The following KCNH8 variants were observed in gnomAD, a reference collection of about 807,000 sequenced individuals.
KCNH8 encodes the protein voltage-gated delayed rectifier potassium channel KCNH8.
KCNH8 carries 70 observed loss-of-function variants against 103.6 expected under a neutral mutation model. The ratio of observed to expected loss-of-function variants is 0.68; its 90% confidence interval spans 0.56 to 0.82. The LOEUF is 0.82. KCNH8 is among the 40% of genes least tolerant of loss of function. KCNH8 has a pLI of 0.00. For synonymous variants in KCNH8, 498 were observed against 489.4 expected, an observed-to-expected ratio of 1.02 and a Z score of -0.23; for missense variants, 1,217 against 1,329.9, an observed-to-expected ratio of 0.92 and a Z score of 1.32.
intron 11 of KCNH8, among the ~76,000 whole-genome samples, chr3:19,504,654 CTAT>C (rs1049561936): frequency 4.6e-5 from 7 of 152,126 alleles, no homozygotes; most frequent in Admixed American, 1.3e-4. Flanking sequence ...GTTAGAATGT[CTAT>C]TATTAAAAAG....
At chr3:19,498,870 G>A (rs975121364) in intron 11 of KCNH8, among the ~76,000 whole-genome samples, 1 of 152,090 alleles carries the variant, frequency 6.6e-6, no homozygotes, top group African/African-American at 2.4e-5. Flanking sequence ...CCTGTTGGGG[G>A]GTGCCTCCCA....
At chr3:19,303,917 G>A (rs1450475691) in intron 3 of KCNH8, among the ~76,000 whole-genome samples, 3 of 152,106 alleles carry the variant, frequency 2.0e-5, no homozygotes, top group Non-Finnish European at 4.4e-5. Flanking sequence ...TTTTGAGGGT[G>A]GATACAGGGG....
chr3:19,239,471 T>C (rs2064107730), intron 1 of KCNH8, among the ~76,000 whole-genome samples: 1 of 152,184 alleles, frequency 6.6e-6, no homozygotes. Context: ...TCCAAATATC[T>C]CATTGGACAG....
intron 1 of KCNH8, among the ~76,000 whole-genome samples, chr3:19,169,617 G>A (rs1309217735): frequency 1.3e-5 from 2 of 152,158 alleles, no homozygotes; most frequent in African/African-American, 4.8e-5. Context: ...ACTGGTTTTT[G>A]TTGACCGCAT....
At chr3:19,279,558 G>T (rs973480672) in intron 2 of KCNH8, among the ~76,000 whole-genome samples, 1 of 117,464 alleles carries the variant, frequency 8.5e-6, no homozygotes, top group African/African-American at 3.5e-5. Context: ...GAAATGGGAT[G>T]CCATAGGGCT....
intron 11 of KCNH8, among the ~76,000 whole-genome samples, chr3:19,474,949 T>A (rs193072333): frequency 6.6e-6 from 1 of 152,290 alleles, no homozygotes; most frequent in East Asian, 1.9e-4. Context: ...AATAGGATTC[T>A]ATCAAAAAGA....
At chr3:19,243,156 T>A (rs934629653) in intron 1 of KCNH8, among the ~76,000 whole-genome samples, 1 of 152,154 alleles carries the variant, frequency 6.6e-6, no homozygotes, top group Admixed American at 6.5e-5. Flanking sequence ...AAAGCTATTA[T>A]CTGCTTTATT....
intron 3 of KCNH8, among the ~76,000 whole-genome samples, chr3:19,307,590 CT>C (rs1204631271): frequency 1.3e-5 from 2 of 151,940 alleles, no homozygotes; most frequent in African/African-American, 4.8e-5. Context: ...ATCTGCACCC[CT>C]GTGTTTATTG....
intron 1 of KCNH8, among the ~76,000 whole-genome samples, chr3:19,166,857 G>T (rs1348728149): frequency 1.3e-5 from 2 of 152,270 alleles, no homozygotes; most frequent in East Asian, 1.9e-4. Context: ...AATGTTCTGT[G>T]ACAAAGTCAT....
chr3:19,354,697 G>A (rs1428090631), intron 5 of KCNH8, among the ~76,000 whole-genome samples: 1 of 152,130 alleles, frequency 6.6e-6, no homozygotes, highest in African/African-American at 2.4e-5. Flanking sequence ...GCTGAAACTG[G>A]ATCCCTTCCT....
chr3:19,533,289 T>TAAAAG, intron 15 of KCNH8, 106 bp from the exon 16 acceptor site: 1 of 696,140 alleles, frequency 1.4e-6, no homozygotes. Flanking sequence ...TAAGTAGGAA[T>TAAAAG]AAAAGAAAAC....
intron 1 of KCNH8, among the ~76,000 whole-genome samples, chr3:19,219,034 T>G (rs1396859553): frequency 6.6e-6 from 1 of 152,168 alleles, no homozygotes; most frequent in Non-Finnish European, 1.5e-5. Context: ...TGGACACAAT[T>G]CAGTCTGTAA....
Position 19,317,196 on chromosome 3 carries a change from G to A in KCNH8, c.443-25391G>A, listed in dbSNP as rs566068428. ...TGGAGAATACTAGTGGGAAAATACTGTATTATTTCAGTACCTACCATCACT... is the reference window on the plus strand; with the variant it reads ...TGGAGAATACTAGTGGGAAAATACTATATTATTTCAGTACCTACCATCACT... On this transcript the variant is annotated intron_variant, in intron 3 of 15. Transcript: ENST00000328405. 9.2e-5 allele frequency among the ~76,000 whole-genome samples: 14 copies of A among 151,900 alleles called. No homozygotes were observed. The South Asian group carries it at 2.7e-3, about 29-fold the overall frequency.
chr3:19,171,464 C>G (rs984530154), intron 1 of KCNH8, among the ~76,000 whole-genome samples: 4 of 152,068 alleles, frequency 2.6e-5, no homozygotes, highest in African/African-American at 9.7e-5. Flanking sequence ...TCCCTACTTA[C>G]AATCCATTTT....
At chr3:19,199,599 T>C (rs2063636496) in intron 1 of KCNH8, among the ~76,000 whole-genome samples, 1 of 149,748 alleles carries the variant, frequency 6.7e-6, no homozygotes, top group South Asian at 2.1e-4. Flanking sequence ...TATGATGTAT[T>C]ATATATTTTT....
At chr3:19,442,712 ATTAG>A (rs1343099053) in intron 8 of KCNH8, among the ~76,000 whole-genome samples, 1 of 152,176 alleles carries the variant, frequency 6.6e-6, no homozygotes, top group Non-Finnish European at 1.5e-5. Context: ...ACTTGAATTT[ATTAG>A]TTAAAGCTTT....
At chr3:19,228,268 A>G (rs1191709650) in intron 1 of KCNH8, among the ~76,000 whole-genome samples, 3 of 152,218 alleles carry the variant, frequency 2.0e-5, no homozygotes, top group Non-Finnish European at 4.4e-5. Context: ...TTTTCGTACT[A>G]TGAATGTTGA....
At position 19,226,438 on chromosome 3, in the gene KCNH8, T is replaced by G. The variant is rs1041524776; in HGVS notation, c.77-27216T>G. 5.3e-5 allele frequency among the ~76,000 whole-genome samples: 8 copies of G among 152,310 alleles called. No homozygotes were observed. The South Asian group carries it at 8.3e-4, about 16-fold the overall frequency. On this transcript the variant is annotated intron_variant, in intron 1 of 15. Coordinates refer to ENST00000328405, the MANE Select transcript of KCNH8 (RefSeq NM_144633.3). The stretch of plus-strand genomic sequence containing the variant: ...ATTTCCTGGATAATAAGCAAGGTCA[T>G]CAGAAGAAACTGTGGTTTCTATAAT...
intron 11 of KCNH8, among the ~76,000 whole-genome samples, chr3:19,460,088 C>A (rs1375089770): frequency 5.3e-5 from 8 of 151,986 alleles, no homozygotes; most frequent in Admixed American, 1.3e-4. Flanking sequence ...TGTCATTTTC[C>A]TCAAAATAAG....
Sources: allele counts gnomAD v4.1 joint callset (sites outside exome capture counted in the v4.1 genomes callset), GRCh38; gene constraint gnomAD v4.1.1; transcripts MANE v1.5; gene names NCBI Gene and HGNC (gene_info 2026-07-23, HGNC 2026-07-21).